Variants in NOX4 observed in about 807,000 individuals in gnomAD.
NOX4 encodes NADPH oxidase 4.
NOX4 carries 69 observed loss-of-function variants against 87.6 expected under a neutral mutation model. The ratio of observed to expected loss-of-function variants is 0.79; its 90% confidence interval spans 0.65 to 0.96. The LOEUF (loss-of-function observed/expected upper bound fraction) is 0.96, where lower values mean the gene tolerates loss of function less well. Ranked by LOEUF, NOX4 falls within the 40% of genes least tolerant of loss-of-function variation. The pLI, the probability that NOX4 is intolerant of heterozygous loss-of-function variation, is 0.00. For missense variants in NOX4, 680 were observed against 681.5 expected, an observed-to-expected ratio of 1.00 and a Z score of 0.02; for synonymous variants, 275 against 238.2, an observed-to-expected ratio of 1.15 and a Z score of -1.42.
chr11:89,490,338 A>G (rs753328875), intron 2 of NOX4, 120 bp downstream of exon 2: 8 of 701,824 alleles, frequency 1.1e-5, no homozygotes, highest in Admixed American at 2.4e-5. Flanking sequence ...TTAGAGAACA[A>G]CAAAGGTTTT....
At chr11:89,367,846 C>A (rs1442485875) in intron 12 of NOX4, among the ~76,000 whole-genome samples, 1 of 152,078 alleles carries the variant, frequency 6.6e-6, no homozygotes, top group Non-Finnish European at 1.5e-5. Flanking sequence ...AGCCAGGCCT[C>A]CCAATAGCAT....
the NOX4 span, among the ~76,000 whole-genome samples, chr11:89,523,513 A>G: frequency 6.6e-6 from 1 of 152,240 alleles, no homozygotes; most frequent in African/African-American, 2.4e-5. Flanking sequence ...TGTAGAAGAT[A>G]CATAACCAGG....
At chr11:89,488,946 C>G (rs962690817) in intron 2 of NOX4, 1 of 699,322 alleles carries the variant, frequency 1.4e-6, no homozygotes, top group Admixed American at 2.0e-5. Context: ...GAGGTGAGGT[C>G]TTACTCTCTG....
At chr11:89,360,732 A>G (rs536009454) in intron 12 of NOX4, among the ~76,000 whole-genome samples, 1 of 152,190 alleles carries the variant, frequency 6.6e-6, no homozygotes, top group South Asian at 2.1e-4. Context: ...CAGAATCTAC[A>G]AGGAATTAAA....
At chr11:89,530,338 T>A in the NOX4 span, among the ~76,000 whole-genome samples, 3 of 129,736 alleles carry the variant, frequency 2.3e-5, no homozygotes, top group East Asian at 7.1e-4. Flanking sequence ...GTTCTAGATG[T>A]CTATTCTTTT....
At chr11:89,487,173 G>A (rs1946661797) in intron 2 of NOX4, among the ~76,000 whole-genome samples, 1 of 152,060 alleles carries the variant, frequency 6.6e-6, no homozygotes, top group East Asian at 1.9e-4. Flanking sequence ...TCAAATCCTA[G>A]CTCTGACACT....
At position 89,373,632 on chromosome 11, in the gene NOX4, C is replaced by A. The variant is rs192096386; in HGVS notation, c.1075-140G>T. 3.0e-3 allele frequency: 1,680 copies of A among 551,072 alleles called. 3 individuals are homozygous for A. Among genetic ancestry groups the A allele is most frequent in the Non-Finnish European group, 4.8e-3 (1,463 of 304,408 alleles). 34.1% of individuals were successfully genotyped at this position (551,072 alleles called of 1,614,324 possible). On this transcript the variant is annotated intron_variant, in intron 11 of 17. Coordinates refer to ENST00000263317, the MANE Select transcript of NOX4 (RefSeq NM_016931.5). Reference sequence around the variant, plus strand: ...GAACAGACTAAAATCTATACAGATCCTTATTAGTGGAAGAAAAAAAAATCA... The same window carrying A: ...GAACAGACTAAAATCTATACAGATCATTATTAGTGGAAGAAAAAAAAATCA...
chr11:89,387,629 C>T (rs1195103024), intron 11 of NOX4, among the ~76,000 whole-genome samples: 2 of 152,108 alleles, frequency 1.3e-5, no homozygotes, highest in African/African-American at 2.4e-5. Context: ...TTCATTACTT[C>T]TATTTAAAAG....
At chr11:89,490,339 C>G in intron 2 of NOX4, 119 bp downstream of exon 2, 1 of 701,176 alleles carries the variant, frequency 1.4e-6, no homozygotes, top group Non-Finnish European at 2.5e-6. Context: ...TAGAGAACAA[C>G]AAAGGTTTTC....
chr11:89,333,020 T>C (rs1945539841), intron 17 of NOX4, among the ~76,000 whole-genome samples: 1 of 151,916 alleles, frequency 6.6e-6, no homozygotes, highest in Non-Finnish European at 1.5e-5. Flanking sequence ...TGTATACCTG[T>C]TGAGCCAGCA....
intron 11 of NOX4, among the ~76,000 whole-genome samples, chr11:89,397,450 G>A (rs148118970): frequency 1.3e-5 from 2 of 151,884 alleles, no homozygotes; most frequent in African/African-American, 4.8e-5. Context: ...CTAGCAGAAG[G>A]CAAGAAATAA....
At chr11:89,345,660 CT>C (rs1307994458) in intron 13 of NOX4, among the ~76,000 whole-genome samples, 1 of 152,132 alleles carries the variant, frequency 6.6e-6, no homozygotes, top group African/African-American at 2.4e-5. Context: ...GTTTAGTTTT[CT>C]GTTTTTGCAT....
chr11:89,378,408 G>T (rs1940022440), intron 11 of NOX4, among the ~76,000 whole-genome samples: 2 of 151,946 alleles, frequency 1.3e-5, no homozygotes, highest in African/African-American at 2.4e-5. Flanking sequence ...AATTTTTCTT[G>T]CCAAGAAAAT....
chr11:89,374,067 T>G (rs910685655), intron 11 of NOX4, among the ~76,000 whole-genome samples: 1 of 151,998 alleles, frequency 6.6e-6, no homozygotes, highest in African/African-American at 2.4e-5. Flanking sequence ...GTAAAAAAAG[T>G]GCTTTATGGT....
rs576092532 is a variant in NOX4, at chr11:89,362,116, T to C, written c.1136-7073A>G. ...TCCTTCCCCCAAACCCTCTTTGTTC[T>C]CTTTCCTGTCATGGGTATTGATCCC... On this transcript the variant is annotated intron_variant, in intron 12 of 17. Coordinates refer to ENST00000263317, the MANE Select transcript of NOX4 (RefSeq NM_016931.5). 2.0e-5 allele frequency among the ~76,000 whole-genome samples: 3 copies of C among 152,124 alleles called. No individual in the cohort carries two copies. In the South Asian group the frequency reaches 6.2e-4, roughly 32 times the overall value.
intron 12 of NOX4, among the ~76,000 whole-genome samples, 189 bp from the exon 13 acceptor site, chr11:89,355,232 A>C (rs1045039258): frequency 6.7e-6 from 1 of 149,878 alleles, no homozygotes; most frequent in Non-Finnish European, 1.5e-5. Flanking sequence ...GTGTGTGTGT[A>C]TATATATATA....
chr11:89,551,316 A>C, the NOX4 span, among the ~76,000 whole-genome samples: 1 of 152,292 alleles, frequency 6.6e-6, no homozygotes, highest in South Asian at 2.1e-4. Flanking sequence ...AATTTAAAGT[A>C]GTTTTTTTCT....
chr11:89,401,539 C>T (rs768351289), intron 9 of NOX4, among the ~76,000 whole-genome samples: 2 of 152,040 alleles, frequency 1.3e-5, no homozygotes, highest in African/African-American at 4.8e-5. Context: ...TTTGACATCA[C>T]TATTTCCTAC....
intron 2 of NOX4, among the ~76,000 whole-genome samples, chr11:89,462,317 T>C (rs1322488158): frequency 2.6e-5 from 4 of 152,164 alleles, no homozygotes; most frequent in Non-Finnish European, 4.4e-5. Flanking sequence ...ACAAACTCGA[T>C]GTAACTCCAG....
Sources: allele counts gnomAD v4.1 joint callset (sites outside exome capture counted in the v4.1 genomes callset), GRCh38; gene constraint gnomAD v4.1.1; transcripts MANE v1.5; gene names NCBI Gene and HGNC (gene_info 2026-07-23, HGNC 2026-07-21).